Variants in SP8 observed in about 807,000 individuals in gnomAD.
The protein encoded by SP8 is transcription factor Sp8.
Under a neutral mutation model 15.3 loss-of-function variants are expected in SP8, and 7 were observed. The observed-to-expected ratio is 0.46, with a 90% CI of 0.26 to 0.86. The LOEUF is 0.86. SP8 is among the 40% of genes least tolerant of loss of function. SP8 has a pLI of 0.16. For missense variants in SP8, 731 were observed against 736.4 expected, an observed-to-expected ratio of 0.99 and a Z score of 0.09; for synonymous variants, 415 against 356.3, an observed-to-expected ratio of 1.16 and a Z score of -1.86.
rs998041703 is a variant in SP8, at chr7:20,782,800, G to A, written c.*1490C>T. On this transcript the variant is annotated 3_prime_UTR_variant, in exon 2 of 2. Transcript: ENST00000418710. Reference sequence around the variant, plus strand: ...CAGAAGTGAGTTCAAAAAACCTGCAGCTCATCAGAACTGCAACAATAACTC... The same window carrying A: ...CAGAAGTGAGTTCAAAAAACCTGCAACTCATCAGAACTGCAACAATAACTC... The A allele has an allele frequency of 1.1e-4, 16 of 152,108 alleles. No individual in the cohort carries two copies. Among genetic ancestry groups the A allele is most frequent in the Non-Finnish European group, 1.9e-4 (13 of 67,998 alleles). 9.4% of individuals were successfully genotyped at this position (152,108 alleles called of 1,614,324 possible).
In SP8 at chr7:20,785,813, G is replaced by A. The variant is rs778511328; in HGVS notation, c.22-18C>T. 7.7e-6 allele frequency: 11 copies of A among 1,420,896 alleles called. No individual in the cohort carries two copies. The highest frequency in any genetic ancestry group is 9.7e-6 in the Non-Finnish European group (10 of 1,034,574). The allele number at this position is 1,420,896 out of a possible 1,614,324, so 88.0% of individuals were successfully genotyped here. A position where few individuals can be genotyped will look rare whatever the true frequency, so the allele number is the denominator to read the frequency against. On this transcript the variant is annotated intron_variant, in intron 1 of 1. Coordinates refer to ENST00000418710, the MANE Select transcript of SP8 (RefSeq NM_182700.6). This position sits in a 1 kb window ranked among gnomAD's most constrained non-coding sequence, Gnocchi z 7.2. The stretch of plus-strand genomic sequence containing the variant: ...GGTTCTTCCTGCGAGGAGGAGAGGA[G>A]AAGGAGTGGGGGAGGGGAGGTGGGC...
Position 20,785,577 on chromosome 7 carries a change from G to A in SP8, c.240C>T (p.Asn80=). ...SSFGVSGASR[N]GGSSSAAAAA... ...CCGCAGCCGCCGAGGACGAGCCGCCGTTCCTGGAGGCCCCGGACACGCCGA... is the reference window on the plus strand; with the variant it reads ...CCGCAGCCGCCGAGGACGAGCCGCCATTCCTGGAGGCCCCGGACACGCCGA... Residue 80 remains asparagine, a synonymous_variant, in exon 2 of 2, where the codon AAC becomes AAT. Transcript: ENST00000418710. This position sits in a 1 kb window ranked among gnomAD's most constrained non-coding sequence, Gnocchi z 7.2. The A allele has an allele frequency of 2.2e-6, 3 of 1,393,824 alleles. No individual in the cohort carries two copies. The highest frequency in any genetic ancestry group is 2.9e-6 in the Non-Finnish European group (3 of 1,043,456). 86.3% of individuals were successfully genotyped at this position (1,393,824 alleles called of 1,614,324 possible).
In SP8 at chr7:20,785,443, G is replaced by T; in HGVS notation, c.374C>A (p.Ala125Asp). 2.3e-6 allele frequency: 3 copies of T among 1,315,548 alleles called. No individual in the cohort carries two copies. Among genetic ancestry groups the T allele is most frequent in the Non-Finnish European group, 2.9e-6 (3 of 1,026,250 alleles). 81.5% of individuals were successfully genotyped at this position (1,315,548 alleles called of 1,614,324 possible). A position where few individuals can be genotyped will look rare whatever the true frequency, so the allele number is the denominator to read the frequency against. ...GGCGGCTGCGGCGGCGGCGGCGGCG[G>T]CTGCGGCGCTGCTGGAGGTGAGGGA... ...AFSLTSSSAAAAAAAAAAAAS... is the reference protein window; with the variant it reads ...AFSLTSSSAADAAAAAAAAAS... Residue 125 changes from alanine to aspartate, a missense_variant, in exon 2 of 2, where the codon GCC becomes GAC. Transcript: ENST00000418710. The surrounding 1 kb of genome is among the most constrained non-coding windows in gnomAD (Gnocchi z 7.2).
Position 20,784,423 on chromosome 7 carries a change from G to A in SP8, c.1394C>T (p.Ser465Leu). The A allele has an allele frequency of 1.3e-6, 2 of 1,532,408 alleles. No individual in the cohort carries two copies. Among genetic ancestry groups the A allele is most frequent in the Non-Finnish European group, 1.7e-6 (2 of 1,143,302 alleles). 94.9% of individuals were successfully genotyped at this position (1,532,408 alleles called of 1,614,324 possible). The stretch of plus-strand genomic sequence containing the variant: ...CTTGCCGCCGCTGCCCGAGCCCGCC[G>A]AGCCGCCGCCGCCGCCGCCGCCACT... ...THSGGGGGGG[S>L]AGSGSGGKKG... is the part of the protein sequence containing the mutation. Residue 465 changes from serine (S) to leucine (L), a missense_variant, in exon 2 of 2, where the codon TCG becomes TTG. Around this residue, in one of 3 missense-constraint regions of SP8, gnomAD observed 114 missense variants for 111.9 expected, o/e 1.02. Coordinates refer to ENST00000418710, the MANE Select transcript of SP8 (RefSeq NM_182700.6).
Position 20,784,041 on chromosome 7 carries a change from G to C in SP8, c.*249C>G. Reference sequence around the variant, plus strand: ...ACGAGGCGCGGGTTCCGGCTGCAACGGGTTCAGGCAGCGTTACCCGTGGAA... The same window carrying C: ...ACGAGGCGCGGGTTCCGGCTGCAACCGGTTCAGGCAGCGTTACCCGTGGAA... On this transcript the variant is annotated 3_prime_UTR_variant, in exon 2 of 2. Transcript: ENST00000418710. 4.5e-6 allele frequency: 2 copies of C among 442,726 alleles called. No individual in the cohort carries two copies. Among genetic ancestry groups the C allele is most frequent in the Non-Finnish European group, 3.9e-6 (1 of 258,502 alleles). 27.4% of individuals were successfully genotyped at this position (442,726 alleles called of 1,614,324 possible).
Position 20,785,053 on chromosome 7 carries a change from G to A in SP8, c.764C>T (p.Ala255Val), listed in dbSNP as rs1303583946. ...GTGCAGCGAGGTTTGGAGCCCCCCGGCGGCAGGGTGCAGCGAGCCGGGCAG... is the reference window on the plus strand; with the variant it reads ...GTGCAGCGAGGTTTGGAGCCCCCCGACGGCAGGGTGCAGCGAGCCGGGCAG... ...AALPGSLHPA[A>V]GGLQTSLHSP... The change falls in exon 2 of 2, where the codon GCC (alanine) becomes GTC (valine). Residue 255 changes from alanine to valine, a missense_variant. This residue lies in a region of SP8 where 586 missense variants were observed against 524.9 expected (regional missense o/e 1.12). Coordinates refer to ENST00000418710, the MANE Select transcript of SP8 (RefSeq NM_182700.6). This position sits in a 1 kb window ranked among gnomAD's most constrained non-coding sequence, Gnocchi z 7.2. 6.3e-7 allele frequency: 1 copy of A among 1,578,754 alleles called. No individual in the cohort carries two copies. Among genetic ancestry groups the A allele is most frequent in the South Asian group, 1.1e-5 (1 of 88,976 alleles).
rs1783538612 is a variant in SP8 at position 20,782,928 on chromosome 7, C to A, written c.*1362G>T. 6.6e-6 allele frequency: 1 copy of A among 152,544 alleles called. No individual in the cohort carries two copies. The highest frequency in any genetic ancestry group is 1.5e-5 in the Non-Finnish European group (1 of 68,048). The allele number at this position is 152,544 out of a possible 1,614,324, so 9.4% of individuals were successfully genotyped here. On this transcript the variant is annotated 3_prime_UTR_variant, in exon 2 of 2. Coordinates refer to ENST00000418710, the MANE Select transcript of SP8 (RefSeq NM_182700.6). ...CAAGAAAAATACTATACAAAATCGT[C>A]TCCTGGACAACTGCACCTCACACCC...
At position 20,784,370 on chromosome 7, in the gene SP8, T is replaced by C; in HGVS notation, c.1447A>G (p.Ser483Gly). Residue 483 changes from serine to glycine, a missense_variant, in exon 2 of 2, where the codon AGC becomes GGC. By Grantham distance (56) the Ser-to-Gly change is moderately conservative. This residue lies in a region of SP8 where 114 missense variants were observed against 111.9 expected (regional missense o/e 1.02). Transcript: ENST00000418710. The part of the protein sequence containing the change: ...KKGSDTDSEH[S>G]AAGSPPCHSP... Reference sequence around the variant, plus strand: ...TGGCAGGGCGGGCTGCCCGCGGCGCTGTGCTCGCTGTCGGTGTCGCTGCCC... The same window carrying C: ...TGGCAGGGCGGGCTGCCCGCGGCGCCGTGCTCGCTGTCGGTGTCGCTGCCC... The C allele has an allele frequency of 1.3e-6, 2 of 1,524,604 alleles. No individual in the cohort carries two copies. Among genetic ancestry groups the C allele is most frequent in the South Asian group, 1.2e-5 (1 of 82,922 alleles). The allele number at this position is 1,524,604 out of a possible 1,614,324, so 94.4% of individuals were successfully genotyped here.
chr7:20,782,833 TTTC>T lies in SP8; in HGVS notation c.*1454_*1456del, dbSNP rs1331998416. The T allele has an allele frequency of 2.1e-5, 3 of 140,394 alleles. No homozygotes were observed. Among genetic ancestry groups the T allele is most frequent in the African/African-American group, 5.0e-5 (2 of 39,810 alleles). 8.7% of individuals were successfully genotyped at this position (140,394 alleles called of 1,614,324 possible). A position where few individuals can be genotyped will look rare whatever the true frequency, so the allele number is the denominator to read the frequency against. The stretch of plus-strand genomic sequence containing the variant: ...GAACTGCAACAATAACTCTTAATAT[TTTC>T]TTGTGACAAAAAAAAAAAATCAAGT... On this transcript the variant is annotated 3_prime_UTR_variant, in exon 2 of 2. Coordinates refer to ENST00000418710, the MANE Select transcript of SP8 (RefSeq NM_182700.6).
Position 20,784,218 on chromosome 7 carries a change from A to C in SP8, c.*72T>G. ...TGCAATAGGGAAAGGCTGGAGTTGA[A>C]GTCCGGACAGACAGGGCCCAAGAGG... On this transcript the variant is annotated 3_prime_UTR_variant, in exon 2 of 2. Coordinates refer to ENST00000418710, the MANE Select transcript of SP8 (RefSeq NM_182700.6). The C allele has an allele frequency of 2.3e-6, 3 of 1,292,346 alleles. 1 individual carries two copies. The highest frequency in any genetic ancestry group is 1.0e-6 in the Non-Finnish European group (1 of 996,594). 80.1% of individuals were successfully genotyped at this position (1,292,346 alleles called of 1,614,324 possible). A position where few individuals can be genotyped will look rare whatever the true frequency, so the allele number is the denominator to read the frequency against.
Position 20,785,255 on chromosome 7 carries a change from C to G in SP8, c.562G>C (p.Asp188His), listed in dbSNP as rs1583484975. The G allele has an allele frequency of 6.3e-7, 1 of 1,595,604 alleles. No individual in the cohort carries two copies. Residue 188 changes from aspartate to histidine, a missense_variant, in exon 2 of 2, where the codon GAC (aspartate) becomes CAC (histidine). Around this residue, in one of 3 missense-constraint regions of SP8, gnomAD observed 586 missense variants for 524.9 expected, o/e 1.12. Transcript: ENST00000418710. The surrounding 1 kb of genome is among the most constrained non-coding windows in gnomAD (Gnocchi z 7.2). ...CGCGGGTAGATGCCCTGCAGCCCGTCCACAGAGGTGTGCACCTTGGAGATG... is the reference window on the plus strand; with the variant it reads ...CGCGGGTAGATGCCCTGCAGCCCGTGCACAGAGGTGTGCACCTTGGAGATG... ...VFISKVHTSV[D>H]GLQGIYPRVG... is the part of the protein sequence containing the mutation.
In SP8 at chr7:20,785,337, CCCGCCGCCG is replaced by C. The variant is rs749457306; in HGVS notation, c.471_479del (p.Gly163_Gly165del). 7.3e-6 allele frequency: 10 copies of C among 1,371,938 alleles called. No homozygotes were observed. The highest frequency in any genetic ancestry group is 3.0e-5 in the African/African-American group (2 of 67,218). 85.0% of individuals were successfully genotyped at this position (1,371,938 alleles called of 1,614,324 possible). ...GCGCGGAGGAGCCGCCGCCGCCGCC[CCCGCCGCCG>C]CCGCCGCTGCCCCCGGAAACTCCGG... On this transcript the variant is annotated inframe_deletion, in exon 2 of 2. Coordinates refer to ENST00000418710, the MANE Select transcript of SP8 (RefSeq NM_182700.6). The surrounding 1 kb of genome is among the most constrained non-coding windows in gnomAD (Gnocchi z 7.2).
Position 20,784,918 on chromosome 7 carries a change from C to T in SP8, c.899G>A (p.Gly300Asp). 6.5e-7 allele frequency: 1 copy of T among 1,544,208 alleles called. No homozygotes were observed. Residue 300 changes from glycine (G) to aspartate (D), a missense_variant, in exon 2 of 2, where the codon GGC becomes GAC. Gly to Asp is a moderately conservative substitution (Grantham distance 94, BLOSUM62 -1). This residue lies in a region of SP8 where 586 missense variants were observed against 524.9 expected (regional missense o/e 1.12). Coordinates refer to ENST00000418710, the MANE Select transcript of SP8 (RefSeq NM_182700.6). ...GGAGCCGGGTAGCACTGGCTTGAAG[C>T]CGTCCATGAGGTGCTGCCCGGCGGG... ...LSPAGQHLMD[G>D]FKPVLPGSYP...
rs2128063756 is a variant in SP8 at position 20,785,444 on chromosome 7, C to G, written c.373G>C (p.Ala125Pro). The G allele has an allele frequency of 8.6e-7, 1 of 1,167,078 alleles. No individual in the cohort carries two copies. The highest frequency in any genetic ancestry group is 2.3e-5 in the South Asian group (1 of 43,894). The allele number at this position is 1,167,078 out of a possible 1,614,324, so 72.3% of individuals were successfully genotyped here. A position where few individuals can be genotyped will look rare whatever the true frequency, so the allele number is the denominator to read the frequency against. The change falls in exon 2 of 2, where the codon GCC becomes CCC. Residue 125 changes from alanine (A) to proline (P), a missense_variant. By Grantham distance (27) the Ala-to-Pro change is conservative. Coordinates refer to ENST00000418710, the MANE Select transcript of SP8 (RefSeq NM_182700.6). This position sits in a 1 kb window ranked among gnomAD's most constrained non-coding sequence, Gnocchi z 7.2. ...GCGGCTGCGGCGGCGGCGGCGGCGG[C>G]TGCGGCGCTGCTGGAGGTGAGGGAG... is the stretch of plus-strand genomic sequence containing the variant. Reference protein sequence around the residue: ...AFSLTSSSAAAAAAAAAAAAS... With the variant: ...AFSLTSSSAAPAAAAAAAAAS...
chr7:20,785,708 G>A lies in SP8; in HGVS notation c.109C>T (p.Leu37Phe), dbSNP rs748106706. ...CCGAAGGAAGAAGAGCTGTCCGAGA[G>A]GGAGGAGGGAGACGGGCTGGGGCTG... ...IGSPSPSPSS[L>F]SDSSSSFGKG... Residue 37 changes from leucine to phenylalanine, a missense_variant, in exon 2 of 2, where the codon CTC (leucine) becomes TTC (phenylalanine). This residue lies in a region of SP8 where 586 missense variants were observed against 524.9 expected (regional missense o/e 1.12). Coordinates refer to ENST00000418710, the MANE Select transcript of SP8 (RefSeq NM_182700.6). This position sits in a 1 kb window ranked among gnomAD's most constrained non-coding sequence, Gnocchi z 7.2. 19 of 1,613,940 alleles carry A rather than the reference G, an allele frequency of 1.2e-5. No individual in the cohort carries two copies. Among genetic ancestry groups the A allele is most frequent in the Non-Finnish European group, 1.4e-5 (16 of 1,180,016 alleles).
rs937136296 is a variant in SP8, at chr7:20,783,492, CT to C, written c.*797del. 2.0e-5 allele frequency: 3 copies of C among 152,202 alleles called. No individual in the cohort carries two copies. The highest frequency in any genetic ancestry group is 7.3e-5 in the African/African-American group (3 of 41,370). The allele number at this position is 152,202 out of a possible 1,614,324, so 9.4% of individuals were successfully genotyped here. A position where few individuals can be genotyped will look rare whatever the true frequency, so the allele number is the denominator to read the frequency against. ...CAAATGGAAGGTTGCTATTTTCCCC[CT>C]AGTTTTTTTAAAAATAAAATATATG... On this transcript the variant is annotated 3_prime_UTR_variant, in exon 2 of 2. Transcript: ENST00000418710.
Position 20,786,824 on chromosome 7 carries a change from A to G in SP8, c.-26T>C, listed in dbSNP as rs755140036. On this transcript the variant is annotated 5_prime_UTR_variant, in exon 1 of 2. Coordinates refer to ENST00000418710, the MANE Select transcript of SP8 (RefSeq NM_182700.6). The surrounding 1 kb of genome is among the most constrained non-coding windows in gnomAD (Gnocchi z 4.4). ...CACACAAAAGTGCCCTCCTCCTCTC[A>G]GAGGATCTTTTTTATATTGATAAAT... 6.3e-7 allele frequency: 1 copy of G among 1,598,476 alleles called. No homozygotes were observed. The highest frequency in any genetic ancestry group is 1.1e-5 in the South Asian group (1 of 90,760).
In SP8 at chr7:20,786,308, A is replaced by G. The variant is rs1182673881; in HGVS notation, c.21+470T>C. On this transcript the variant is annotated intron_variant, in intron 1 of 1. Transcript: ENST00000418710. This position sits in a 1 kb window ranked among gnomAD's most constrained non-coding sequence, Gnocchi z 4.4. ...CAAAAGAAATCAAACTGTAGGGCTC[A>G]CTCTTTCTTCCTGCTTTTCTTTCTT... Among the ~76,000 whole-genome samples, 1 of 151,894 alleles carries G rather than the reference A, an allele frequency of 6.6e-6. No individual in the cohort carries two copies. The highest frequency in any genetic ancestry group is 1.5e-5 in the Non-Finnish European group (1 of 67,956).
rs1783667445 is a variant in SP8 at position 20,785,958 on chromosome 7, C to T, written c.22-163G>A. Reference sequence around the variant, plus strand: ...CCGCCACCAACTCACCTGGCACCCCCAACAGCCCCGGCGCCCGGCCGCTTC... The same window carrying T: ...CCGCCACCAACTCACCTGGCACCCCTAACAGCCCCGGCGCCCGGCCGCTTC... On this transcript the variant is annotated intron_variant, in intron 1 of 1. Coordinates refer to ENST00000418710, the MANE Select transcript of SP8 (RefSeq NM_182700.6). This position sits in a 1 kb window ranked among gnomAD's most constrained non-coding sequence, Gnocchi z 7.2. The T allele has an allele frequency of 6.9e-7, 1 of 1,453,754 alleles. No individual in the cohort carries two copies. The highest frequency in any genetic ancestry group is 9.1e-7 in the Non-Finnish European group (1 of 1,103,534). 90.1% of individuals were successfully genotyped at this position (1,453,754 alleles called of 1,614,324 possible). A position where few individuals can be genotyped will look rare whatever the true frequency, so the allele number is the denominator to read the frequency against.
Sources: gnomAD v4.1 joint callset for allele counts (sites outside exome capture counted in the v4.1 genomes callset) on GRCh38, gnomAD v4.1.1 for gene constraint, gnomAD v4.1.1 regional missense constraint, Gnocchi (gnomAD v3.1) non-coding constraint, MANE v1.5 for transcripts, NCBI Gene and HGNC (gene_info 2026-07-23, HGNC 2026-07-21) for gene names.